Variants in SLC25A37 observed in about 807,000 individuals in gnomAD.
SLC25A37 encodes solute carrier family 25 member 37.
A neutral mutation model predicts 31.0 loss-of-function variants in SLC25A37; 17 were observed. That is an observed-to-expected ratio of 0.55 (90% CI 0.38 to 0.82). The LOEUF is 0.82. Ranked by LOEUF, SLC25A37 falls within the 40% of genes least tolerant of loss-of-function variation. SLC25A37 has a pLI of 0.00. For synonymous variants in SLC25A37, 222 were observed against 193.0 expected (o/e 1.15, Z -1.24); for missense variants, 404 against 465.8 (o/e 0.87, Z 1.22).
In SLC25A37 at chr8:23,572,203, TAAAAAAAAAAAAAAAAAAAAAAAAAAAA is replaced by T. The variant is rs540950017; in HGVS notation, c.*366_*393del. 5.8e-5 allele frequency: 5 copies of T among 86,000 alleles called. No homozygotes were observed. Among genetic ancestry groups the T allele is most frequent in the Middle Eastern group, 0.015 (2 of 134 alleles). The allele number at this position is 86,000 out of a possible 1,614,324, so 5.3% of individuals were successfully genotyped here. A position where few individuals can be genotyped will look rare whatever the true frequency, so the allele number is the denominator to read the frequency against. On this transcript the variant is annotated 3_prime_UTR_variant, in exon 4 of 4. Coordinates refer to ENST00000519973, the MANE Select transcript of SLC25A37 (RefSeq NM_016612.4). ...GAAAATTTGCAGTGACTGAAAACAGTAAAAAAAAAAAAAAAAAAAAAAAAAAAAAAAAAAAAAAAAAAAAATTTATGTA... is the reference window on the plus strand; with the variant it reads ...GAAAATTTGCAGTGACTGAAAACAGTAAAAAAAAAAAAAAAAATTTATGTA...
At chr8:23,538,629 C>T (rs978110740) in intron 1 of SLC25A37, among the ~76,000 whole-genome samples, 8 of 151,920 alleles carry the variant, frequency 5.3e-5, no homozygotes, top group Non-Finnish European at 8.8e-5. Flanking sequence ...TGTCATTCCA[C>T]GTTTCCTGAG....
At position 23,549,876 on chromosome 8, in the gene SLC25A37, A is replaced by T. The variant is rs565926451; in HGVS notation, c.211-16232A>T. ...TGGGCCCCAGACTGTGGCCAGGTGC[A>T]TTGCGCTAGGGGAGACAGATCCACA... On this transcript the variant is annotated intron_variant, in intron 1 of 3. Transcript: ENST00000519973. Among the ~76,000 whole-genome samples the T allele has an allele frequency of 1.8e-3, 247 of 138,410 alleles. 53 individuals carry two copies. Among genetic ancestry groups the T allele is most frequent in the African/African-American group, 6.8e-3 (212 of 31,220 alleles). 90.8% of individuals were successfully genotyped at this position (138,410 alleles called of 152,430 possible). A position where few individuals can be genotyped will look rare whatever the true frequency, so the allele number is the denominator to read the frequency against.
intron 1 of SLC25A37, chr8:23,541,857 G>A (rs916243405): frequency 6.6e-6 from 1 of 152,332 alleles, no homozygotes; most frequent in African/African-American, 2.4e-5. Context: ...GATGCTGCCA[G>A]TGCGTGTATA....
rs56169952 is a variant in SLC25A37, at chr8:23,546,556, GTATA to G, written c.210+17367_210+17370del. On this transcript the variant is annotated intron_variant, in intron 1 of 3. Coordinates refer to ENST00000519973, the MANE Select transcript of SLC25A37 (RefSeq NM_016612.4). ...GTATATATATATATATATATATAGT[GTATA>G]TATATATATATATATATATATAGTG... Among the ~76,000 whole-genome samples, 110 of 42,554 alleles carry G rather than the reference GTATA, an allele frequency of 2.6e-3. 2 individuals are homozygous for G. The highest frequency in any genetic ancestry group is 0.011 in the Middle Eastern group (1 of 90). The allele number at this position is 42,554 out of a possible 152,430, so 27.9% of individuals were successfully genotyped here. A position where few individuals can be genotyped will look rare whatever the true frequency, so the allele number is the denominator to read the frequency against.
rs1234654905 is a variant in SLC25A37 at position 23,546,580 on chromosome 8, A to G, written c.210+17368A>G. ...TGTATATATATATATATATATATATATAGTGTATATATATATAGTGTATGT... is the reference window on the plus strand; with the variant it reads ...TGTATATATATATATATATATATATGTAGTGTATATATATATAGTGTATGT... On this transcript the variant is annotated intron_variant, in intron 1 of 3. Transcript: ENST00000519973. 4.9e-3 allele frequency among the ~76,000 whole-genome samples: 304 copies of G among 61,526 alleles called. 6 individuals are homozygous for G. The highest frequency in any genetic ancestry group is 0.033 in the African/African-American group (287 of 8,744). 40.4% of individuals were successfully genotyped at this position (61,526 alleles called of 152,430 possible).
chr8:23,564,339 C>T (rs1402643233), intron 1 of SLC25A37, among the ~76,000 whole-genome samples: 3 of 151,888 alleles, frequency 2.0e-5, no homozygotes, highest in Admixed American at 6.6e-5. Context: ...AGTCCTTTGC[C>T]CATCTTCAAT....
At chr8:23,546,675 G>A (rs1038853374) in intron 1 of SLC25A37, among the ~76,000 whole-genome samples, 2 of 149,298 alleles carry the variant, frequency 1.3e-5, no homozygotes, top group African/African-American at 4.9e-5. Flanking sequence ...GCCTTACTTA[G>A]AAAATTAAGG....
intron 1 of SLC25A37, chr8:23,543,153 C>T (rs968632165): frequency 3.3e-5 from 5 of 151,978 alleles, no homozygotes; most frequent in African/African-American, 7.3e-5. Flanking sequence ...ACTGCAGCCT[C>T]GAACTCCTGG....
chr8:23,556,562 A>G (rs1249744046), intron 1 of SLC25A37, among the ~76,000 whole-genome samples: 1 of 151,780 alleles, frequency 6.6e-6, no homozygotes, highest in Non-Finnish European at 1.5e-5. Context: ...ACATATATGT[A>G]TATGTATGTA....
intron 1 of SLC25A37, among the ~76,000 whole-genome samples, chr8:23,550,614 G>A (rs1294489206): frequency 6.6e-6 from 1 of 152,230 alleles, no homozygotes; most frequent in Admixed American, 6.5e-5. Flanking sequence ...GGCCTGTCCA[G>A]TGTGGACAGC....
intron 1 of SLC25A37, among the ~76,000 whole-genome samples, chr8:23,536,026 G>A (rs1462323480): frequency 1.3e-5 from 2 of 152,108 alleles, no homozygotes; most frequent in Non-Finnish European, 2.9e-5. Flanking sequence ...AGAATTAAAT[G>A]AGGCAACATA....
At chr8:23,558,143 G>A (rs1203528480) in intron 1 of SLC25A37, among the ~76,000 whole-genome samples, 1 of 152,204 alleles carries the variant, frequency 6.6e-6, no homozygotes, top group Non-Finnish European at 1.5e-5. Flanking sequence ...CGTGAACTTC[G>A]AACATGGAAA....
At chr8:23,539,566 T>A (rs970085641) in intron 1 of SLC25A37, among the ~76,000 whole-genome samples, 15 of 152,078 alleles carry the variant, frequency 9.9e-5, no homozygotes, top group African/African-American at 3.6e-4. Flanking sequence ...TGGGGCGGGG[T>A]GTGGGCCCCG....
At chr8:23,558,317 GC>G (rs966607985) in intron 1 of SLC25A37, among the ~76,000 whole-genome samples, 6 of 152,110 alleles carry the variant, frequency 3.9e-5, no homozygotes, top group African/African-American at 1.4e-4. Context: ...GGCTCAGCTT[GC>G]CCCCTTCTCT....
chr8:23,564,899 TCTAC>T (rs935166763), intron 1 of SLC25A37, among the ~76,000 whole-genome samples: 3 of 152,100 alleles, frequency 2.0e-5, no homozygotes, highest in South Asian at 4.1e-4. Context: ...ACCTATCTAA[TCTAC>T]CTACCTACCT....
rs1802879650 is a variant in SLC25A37 at position 23,572,245 on chromosome 8, AAAATTTAT to A, written c.*391_*398del. On this transcript the variant is annotated 3_prime_UTR_variant, in exon 4 of 4. Transcript: ENST00000519973. ...AAAAAAAAAAAAAAAAAAAAAAAAA[AAAATTTAT>A]GTATATAAAAGTTGCATTACACAGT... 1.5e-5 allele frequency: 1 copy of A among 67,708 alleles called. No individual in the cohort carries two copies. Among genetic ancestry groups the A allele is most frequent in the African/African-American group, 4.2e-5 (1 of 23,652 alleles). 4.2% of individuals were successfully genotyped at this position (67,708 alleles called of 1,614,324 possible).
In SLC25A37 at chr8:23,529,733, G is replaced by T. The variant is rs1801626611; in HGVS notation, c.210+521G>T. ...GGCTGCTGCTCCCCGGGTTATTTCG[G>T]GAACTTGGGGCCGGCAAGTCTTCTC... On this transcript the variant is annotated intron_variant, in intron 1 of 3. Transcript: ENST00000519973. This position sits in a 1 kb window ranked among gnomAD's most constrained non-coding sequence, Gnocchi z 4.1. 6.6e-6 allele frequency among the ~76,000 whole-genome samples: 1 copy of T among 152,198 alleles called. No homozygotes were observed. Among genetic ancestry groups the T allele is most frequent in the South Asian group, 2.1e-4 (1 of 4,832 alleles).
chr8:23,536,277 C>T (rs539653333), intron 1 of SLC25A37, among the ~76,000 whole-genome samples: 1 of 152,266 alleles, frequency 6.6e-6, no homozygotes, highest in Non-Finnish European at 1.5e-5. Flanking sequence ...CAAACTGTTG[C>T]CCCTTTTTTT....
At chr8:23,537,195 CAA>C (rs71550712) in intron 1 of SLC25A37, among the ~76,000 whole-genome samples, 199 of 117,202 alleles carry the variant, frequency 1.7e-3, no homozygotes, top group African/African-American at 5.8e-3. Flanking sequence ...GACCCTGTCT[CAA>C]AAAAAAAAAA....
Sources: gnomAD v4.1 joint callset for allele counts (sites outside exome capture counted in the v4.1 genomes callset) on GRCh38, gnomAD v4.1.1 for gene constraint, Gnocchi (gnomAD v3.1) non-coding constraint, MANE v1.5 for transcripts, NCBI Gene and HGNC (gene_info 2026-07-23, HGNC 2026-07-21) for gene names.